KSR2: variants seen among roughly 807,000 people sequenced by gnomAD.
The protein encoded by KSR2 is kinase suppressor of ras 2.
KSR2 carries 25 observed loss-of-function variants against 107.8 expected under a neutral mutation model. That is an observed-to-expected ratio of 0.23 (90% CI 0.17 to 0.32). KSR2 has a LOEUF of 0.32. KSR2 is among the 10% of genes least tolerant of loss of function. The pLI, the probability that KSR2 is intolerant of heterozygous loss-of-function variation, is 1.00. For synonymous variants in KSR2, 480 were observed against 507.0 expected, an observed-to-expected ratio of 0.95 and a Z score of 0.71; for missense variants, 887 against 1,268.9, an observed-to-expected ratio of 0.70 and a Z score of 4.57.
At chr12:117,521,383 G>T (rs182082653) in intron 14 of KSR2, among the ~76,000 whole-genome samples, 4 of 152,296 alleles carry the variant, frequency 2.6e-5, no homozygotes, top group African/African-American at 9.6e-5. Context: ...GAAACCCTAG[G>T]TAGCAAGGTA....
chr12:117,527,207 C>T (rs1004218640), intron 12 of KSR2, 88 bp from the exon 13 acceptor site: 13 of 953,532 alleles, frequency 1.4e-5, no homozygotes, highest in Admixed American at 9.4e-5. Flanking sequence ...ATCCCCAGAT[C>T]GGAGGTCTTT....
intron 1 of KSR2, among the ~76,000 whole-genome samples, chr12:117,937,971 G>GAAA (rs771959105): frequency 1.7e-4 from 9 of 53,896 alleles, no homozygotes; most frequent in South Asian, 6.3e-4. Context: ...TCTGTCTCAA[G>GAAA]AAAAAAAAAA....
intron 5 of KSR2, among the ~76,000 whole-genome samples, chr12:117,645,868 CGTGTGTGTGT>C (rs58896782): frequency 0.12 from 16,617 of 142,024 alleles, 944 homozygotes; most frequent in Admixed American, 0.17. Flanking sequence ...TGTGTATGTG[CGTGTGTGTGT>C]GTGTGTGTGT....
chr12:117,536,172 C>T (rs1876041126), intron 10 of KSR2, among the ~76,000 whole-genome samples: 1 of 152,190 alleles, frequency 6.6e-6, no homozygotes, highest in Non-Finnish European at 1.5e-5. Context: ...CTAGATGAAT[C>T]AGTGCTGGGG....
intron 3 of KSR2, among the ~76,000 whole-genome samples, chr12:117,782,181 T>C (rs970153003): frequency 3.9e-5 from 6 of 152,226 alleles, no homozygotes; most frequent in African/African-American, 1.4e-4. Context: ...GCCAATAGTA[T>C]CTGGACCAGA....
intron 14 of KSR2, among the ~76,000 whole-genome samples, chr12:117,519,549 T>C (rs886767517): frequency 4.6e-5 from 7 of 151,958 alleles, no homozygotes; most frequent in Non-Finnish European, 1.0e-4. Flanking sequence ...TACAAAATAA[T>C]TTGGGGAGTG....
intron 17 of KSR2, among the ~76,000 whole-genome samples, chr12:117,471,953 G>T (rs1871483452): frequency 6.6e-6 from 1 of 151,806 alleles, no homozygotes; most frequent in Non-Finnish European, 1.5e-5. Flanking sequence ...TGGGTGACAG[G>T]TTAGGATTTT....
intron 10 of KSR2, among the ~76,000 whole-genome samples, chr12:117,534,888 G>A (rs917004760): frequency 1.3e-5 from 2 of 152,110 alleles, no homozygotes; most frequent in Non-Finnish European, 2.9e-5. Context: ...CCTAGATGCT[G>A]GCAAAAGGCA....
At chr12:117,837,128 A>C (rs921033767) in intron 3 of KSR2, among the ~76,000 whole-genome samples, 8 of 152,140 alleles carry the variant, frequency 5.3e-5, no homozygotes, top group African/African-American at 1.9e-4. Context: ...GCTCTGATAG[A>C]TGCCTCTGCC....
chr12:117,754,606 C>T (rs1171324048), intron 4 of KSR2, among the ~76,000 whole-genome samples: 1 of 151,222 alleles, frequency 6.6e-6, no homozygotes, highest in East Asian at 2.0e-4. Flanking sequence ...CCACTGCACT[C>T]CAGCCTGGAC....
chr12:117,454,536 T>G lies in KSR2; in HGVS notation c.*12663A>C, dbSNP rs1462327769. ...AGGACTGATACATTCTTTCCCACAC[T>G]TCAGGCTGTATTGCAGGCTTGGCCT... On this transcript the variant is annotated 3_prime_UTR_variant, in exon 20 of 20. Transcript: ENST00000339824. 1 of 152,254 alleles carries G rather than the reference T, an allele frequency of 6.6e-6. No individual in the cohort carries two copies. The highest frequency in any genetic ancestry group is 1.5e-5 in the Non-Finnish European group (1 of 68,042). The allele number at this position is 152,254 out of a possible 1,614,324, so 9.4% of individuals were successfully genotyped here. A position where few individuals can be genotyped will look rare whatever the true frequency, so the allele number is the denominator to read the frequency against.
intron 19 of KSR2, 107 bp from the exon 20 acceptor site, chr12:117,467,312 C>G: frequency 1.8e-6 from 1 of 553,874 alleles, no homozygotes; most frequent in Non-Finnish European, 3.3e-6. Flanking sequence ...TTGAGATGAA[C>G]TGTTCCTGTC....
intron 10 of KSR2, among the ~76,000 whole-genome samples, chr12:117,536,300 G>A (rs1007953385): frequency 1.3e-5 from 2 of 152,196 alleles, no homozygotes; most frequent in Non-Finnish European, 2.9e-5. Flanking sequence ...GAGTGGGACA[G>A]CTAGCCAGAT....
chr12:117,795,436 C>T (rs116318133), intron 3 of KSR2, among the ~76,000 whole-genome samples: 3 of 152,050 alleles, frequency 2.0e-5, no homozygotes, highest in Admixed American at 2.0e-4. Context: ...GACTGGAATG[C>T]CAGAAGAGCA....
At chr12:117,583,247 G>A (rs1038964423) in intron 5 of KSR2, among the ~76,000 whole-genome samples, 2 of 151,734 alleles carry the variant, frequency 1.3e-5, no homozygotes, top group African/African-American at 4.8e-5. Context: ...ATGGAGAGGT[G>A]GGTGGGTGAG....
chr12:117,476,582 G>C lies in KSR2; in HGVS notation c.2464C>G (p.Leu822Val), dbSNP rs1233350168. The C allele has an allele frequency of 1.2e-6, 2 of 1,611,418 alleles. No individual in the cohort carries two copies. Among genetic ancestry groups the C allele is most frequent in the African/African-American group, 2.7e-5 (2 of 75,034 alleles). Residue 822 changes from leucine (L) to valine (V), a missense_variant, in exon 17 of 20, where the codon CTG (leucine) becomes GTG (valine). Around this residue, in one of 8 missense-constraint regions of KSR2, gnomAD observed 308 missense variants for 506.2 expected, o/e 0.61. Coordinates refer to ENST00000339824, the MANE Select transcript of KSR2 (RefSeq NM_173598.6). The stretch of plus-strand genomic sequence containing the variant: ...CATAGCCAGCCATTCTGGATGCGCA[G>C]TTTGTCCTCCCGCCTGGAGAAGCAA... ...VLQAGRREDK[L>V]RIQNGWLCHL...
rs7979852 is a variant in KSR2 at position 117,720,953 on chromosome 12, A to G, written c.986+40058T>C. Among the ~76,000 whole-genome samples the G allele has an allele frequency of 1.6e-4, 25 of 152,084 alleles. No homozygotes were observed. In the Middle Eastern group the frequency reaches 0.014, roughly 83 times the overall value. The stretch of plus-strand genomic sequence containing the variant: ...AAAGAGGAGAGTTGTGTATATAACA[A>G]AGATGACAGTGACAGGTATTGACTA... On this transcript the variant is annotated intron_variant, in intron 4 of 19. Transcript: ENST00000339824.
At chr12:117,667,368 G>T in intron 5 of KSR2, 106 bp downstream of exon 5, 2 of 1,085,514 alleles carry the variant, frequency 1.8e-6, no homozygotes, top group Non-Finnish European at 1.4e-6. Context: ...ACAAGCCCTT[G>T]AGATAAAGAA....
At chr12:117,717,666 G>GTATGTAT (rs1887038768) in intron 4 of KSR2, among the ~76,000 whole-genome samples, 3 of 144,366 alleles carry the variant, frequency 2.1e-5, no homozygotes, top group Admixed American at 1.4e-4. Flanking sequence ...GGGGCAGACA[G>GTATGTAT]GTGTGTGTGT....
Sources: allele counts gnomAD v4.1 joint callset (sites outside exome capture counted in the v4.1 genomes callset), GRCh38; gene constraint gnomAD v4.1.1; regional missense constraint gnomAD v4.1.1; transcripts MANE v1.5; gene names NCBI Gene and HGNC (gene_info 2026-07-23, HGNC 2026-07-21).